EPB41L4A: variants seen among roughly 807,000 people sequenced by gnomAD.
EPB41L4A encodes erythrocyte membrane protein band 4.1 like 4A.
In EPB41L4A, 100 loss-of-function variants were observed where a neutral mutation model predicts 108.6. That is an observed-to-expected ratio of 0.92 (90% CI 0.78 to 1.09). The LOEUF (loss-of-function observed/expected upper bound fraction) is 1.09, where lower values mean the gene tolerates loss of function less well. Ranked by LOEUF, EPB41L4A falls within the 50% of genes least tolerant of loss-of-function variation. EPB41L4A has a pLI of 0.00. For synonymous variants in EPB41L4A, 319 were observed against 289.0 expected (o/e 1.10, Z -1.05); for missense variants, 1,030 against 842.7 (o/e 1.22, Z -2.75).
rs1298492548 is a variant in EPB41L4A at position 112,264,951 on chromosome 5, G to A, written c.499C>T (p.Pro167Ser). Residue 167 changes from proline to serine, a missense_variant, in exon 6 of 23, where the codon CCT becomes TCT. Physicochemically the swap from Pro to Ser is moderately conservative, Grantham distance 74. Coordinates refer to ENST00000261486, the MANE Select transcript of EPB41L4A (RefSeq NM_022140.5). ...TCTTCAAGTTCTTCCTTCTGATCAG[G>A]AACAAACCGGTACTCAGATACATAT... ...AGYVSEYRFV[P>S]DQKEELEEAI... is the part of the protein sequence containing the mutation. 1 of 1,611,696 alleles carries A rather than the reference G, an allele frequency of 6.2e-7. No homozygotes were observed. Among genetic ancestry groups the A allele is most frequent in the South Asian group, 1.1e-5 (1 of 90,764 alleles).
intron 1 of EPB41L4A, among the ~76,000 whole-genome samples, chr5:112,350,736 T>C (rs564828802): frequency 6.6e-6 from 1 of 152,322 alleles, no homozygotes; most frequent in East Asian, 1.9e-4. Context: ...GTGGTATCTT[T>C]CTGTGCCTGA....
At chr5:112,276,429 A>G (rs558511978) in intron 3 of EPB41L4A, among the ~76,000 whole-genome samples, 2 of 152,318 alleles carry the variant, frequency 1.3e-5, no homozygotes, top group East Asian at 1.9e-4. Context: ...GAGGGTATCA[A>G]TCTAATCTGT....
At chr5:112,241,076 G>A (rs970531486) in intron 9 of EPB41L4A, among the ~76,000 whole-genome samples, 7 of 151,926 alleles carry the variant, frequency 4.6e-5, no homozygotes, top group Non-Finnish European at 7.4e-5. Context: ...TAGTTTGGAC[G>A]GTAGAAGTGA....
At chr5:112,417,167 A>C (rs1199864163) in intron 1 of EPB41L4A, among the ~76,000 whole-genome samples, 1 of 152,272 alleles carries the variant, frequency 6.6e-6, no homozygotes, top group African/African-American at 2.4e-5. Flanking sequence ...CCATTTGTAA[A>C]ACAAGATAAG....
At chr5:112,326,033 C>A (rs766722290) in intron 1 of EPB41L4A, among the ~76,000 whole-genome samples, 1 of 152,064 alleles carries the variant, frequency 6.6e-6, no homozygotes, top group Non-Finnish European at 1.5e-5. Flanking sequence ...ACCTGTATTT[C>A]CAGCTACTTG....
chr5:112,273,016 G>C (rs1186173718), intron 4 of EPB41L4A, among the ~76,000 whole-genome samples: 1 of 152,154 alleles, frequency 6.6e-6, no homozygotes, highest in African/African-American at 2.4e-5. Context: ...GCTGGCAGAA[G>C]TATGCTCTTC....
intron 12 of EPB41L4A, among the ~76,000 whole-genome samples, chr5:112,218,642 G>A (rs568047376): frequency 4.6e-5 from 7 of 152,294 alleles, no homozygotes; most frequent in African/African-American, 1.7e-4. Context: ...TTTATTTGAT[G>A]CAATTTTAAT....
At chr5:112,191,691 A>G (rs76309365) in intron 17 of EPB41L4A, among the ~76,000 whole-genome samples, 2 of 151,716 alleles carry the variant, frequency 1.3e-5, no homozygotes, top group Admixed American at 6.6e-5. Context: ...AAAAAAAAAA[A>G]TCCTGCAAGA....
chr5:112,268,978 T>C (rs1395095140), intron 4 of EPB41L4A, among the ~76,000 whole-genome samples: 2 of 151,408 alleles, frequency 1.3e-5, no homozygotes, highest in Non-Finnish European at 2.9e-5. Flanking sequence ...ATTAAAAATA[T>C]GTATTAGAAA....
intron 1 of EPB41L4A, among the ~76,000 whole-genome samples, chr5:112,360,601 G>C (rs1468892499): frequency 1.3e-5 from 2 of 152,198 alleles, no homozygotes; most frequent in African/African-American, 2.4e-5. Context: ...CTGGAGTGCA[G>C]TGGCGTGATC....
chr5:112,195,013 T>C (rs1414588716), intron 16 of EPB41L4A, among the ~76,000 whole-genome samples: 2 of 152,194 alleles, frequency 1.3e-5, no homozygotes, highest in Non-Finnish European at 2.9e-5. Context: ...TCCGCCCCAC[T>C]GAGAGACGTA....
chr5:112,348,711 A>G (rs1053971558), intron 1 of EPB41L4A, among the ~76,000 whole-genome samples: 56 of 152,194 alleles, frequency 3.7e-4, no homozygotes, highest in Non-Finnish European at 3.4e-4. Flanking sequence ...TAAACTCCCA[A>G]ATATCTGTTA....
intron 1 of EPB41L4A, among the ~76,000 whole-genome samples, chr5:112,317,581 G>A (rs1487224213): frequency 1.3e-5 from 2 of 152,088 alleles, no homozygotes; most frequent in Admixed American, 1.3e-4. Flanking sequence ...AATGTTATTA[G>A]TTTGTTATTT....
At chr5:112,304,855 C>G (rs1754586775) in intron 2 of EPB41L4A, among the ~76,000 whole-genome samples, 1 of 152,090 alleles carries the variant, frequency 6.6e-6, no homozygotes, top group Non-Finnish European at 1.5e-5. Context: ...TATCAAGATT[C>G]AGAAAAATTA....
At chr5:112,418,091 T>C (rs891774667) in intron 1 of EPB41L4A, among the ~76,000 whole-genome samples, 12 of 152,138 alleles carry the variant, frequency 7.9e-5, no homozygotes, top group African/African-American at 2.9e-4. Context: ...TGTTGCCTTA[T>C]CTAAAATGCC....
intron 12 of EPB41L4A, among the ~76,000 whole-genome samples, chr5:112,215,163 T>C (rs1747526487): frequency 6.6e-6 from 1 of 152,154 alleles, no homozygotes; most frequent in African/African-American, 2.4e-5. Context: ...GTGTCAAAAG[T>C]AAAACAAAAA....
rs984170532 is a variant in EPB41L4A, at chr5:112,196,797, G to T, written c.1377-1089C>A. ...ATCCATGTTCATTAACTTCAAGTGGGGCCACACCACGGTTCAGCAATCCTG... is the reference window on the plus strand; with the variant it reads ...ATCCATGTTCATTAACTTCAAGTGGTGCCACACCACGGTTCAGCAATCCTG... On this transcript the variant is annotated intron_variant, in intron 15 of 22. Coordinates refer to ENST00000261486, the MANE Select transcript of EPB41L4A (RefSeq NM_022140.5). 13 of 152,196 alleles carry T rather than the reference G, an allele frequency of 8.5e-5. 1 individual carries two copies. Among genetic ancestry groups the T allele is most frequent in the Admixed American group, 8.5e-4 (13 of 15,280 alleles). 9.4% of individuals were successfully genotyped at this position (152,196 alleles called of 1,614,324 possible). A position where few individuals can be genotyped will look rare whatever the true frequency, so the allele number is the denominator to read the frequency against.
At chr5:112,293,934 T>A (rs1232751791) in intron 2 of EPB41L4A, among the ~76,000 whole-genome samples, 1 of 152,200 alleles carries the variant, frequency 6.6e-6, no homozygotes, top group Non-Finnish European at 1.5e-5. Context: ...AAAATCTACT[T>A]TTAGAAGTGC....
At chr5:112,238,883 C>A (rs964287762) in intron 11 of EPB41L4A, among the ~76,000 whole-genome samples, 2 of 152,036 alleles carry the variant, frequency 1.3e-5, no homozygotes, top group Non-Finnish European at 2.9e-5. Context: ...AATATAGAAC[C>A]CACTCTCATT....
Sources: gnomAD v4.1 joint callset for allele counts (sites outside exome capture counted in the v4.1 genomes callset) on GRCh38, gnomAD v4.1.1 for gene constraint, MANE v1.5 for transcripts, NCBI Gene and HGNC (gene_info 2026-07-23, HGNC 2026-07-21) for gene names.